ATF7: variants seen among roughly 807,000 people sequenced by gnomAD.
The protein encoded by ATF7 is cyclic AMP-dependent transcription factor ATF-7.
ATF7 carries 10 observed loss-of-function variants against 50.4 expected under a neutral mutation model. The ratio of observed to expected loss-of-function variants is 0.20; its 90% CI spans 0.12 to 0.34. The LOEUF is 0.34. ATF7 is among the 10% of genes least tolerant of loss of function. ATF7 has a pLI of 1.00. For synonymous variants in ATF7, 201 were observed against 226.4 expected, an observed-to-expected ratio of 0.89 and a Z score of 1.01; for missense variants, 465 against 613.9, an observed-to-expected ratio of 0.76 and a Z score of 2.56.
chr12:53,621,529 C>T (rs1022657193), intron 1 of ATF7, among the ~76,000 whole-genome samples: 5 of 152,146 alleles, frequency 3.3e-5, no homozygotes, highest in Admixed American at 6.5e-5. Context: ...CGCCTGTAAT[C>T]CTAGCACTTT....
At chr12:53,617,938 A>G (rs1944212143) in intron 1 of ATF7, among the ~76,000 whole-genome samples, 1 of 152,198 alleles carries the variant, frequency 6.6e-6, no homozygotes, top group African/African-American at 2.4e-5. Flanking sequence ...AGAGAAAGGA[A>G]GGAAACAAAA....
chr12:53,542,207 C>T lies in ATF7; in HGVS notation c.264+1123G>A, dbSNP rs578012672. ...TTGGGAGGCCGAGGTGAGCAGATCA[C>T]GAGGTCAGGAGATCGAGACCATCCT... is the stretch of plus-strand genomic sequence containing the variant. On this transcript the variant is annotated intron_variant, in intron 4 of 11. Transcript: ENST00000420353. Among the ~76,000 whole-genome samples, 7 of 147,242 alleles carry T rather than the reference C, an allele frequency of 4.8e-5. No homozygotes were observed. In the South Asian group the frequency reaches 1.5e-3, roughly 32 times the overall value.
intron 3 of ATF7, among the ~76,000 whole-genome samples, chr12:53,544,322 C>T (rs1250583685): frequency 6.6e-6 from 1 of 152,230 alleles, no homozygotes; most frequent in Non-Finnish European, 1.5e-5. Flanking sequence ...CAGATCCTAA[C>T]TCTATTACGA....
At chr12:53,603,726 A>T (rs1943493547) in intron 1 of ATF7, among the ~76,000 whole-genome samples, 2 of 146,000 alleles carry the variant, frequency 1.4e-5, no homozygotes, top group African/African-American at 5.3e-5. Context: ...CTCCCCATTA[A>T]AAAAAAAAAC....
intron 2 of ATF7, among the ~76,000 whole-genome samples, chr12:53,581,687 G>T (rs900560802): frequency 6.6e-6 from 1 of 152,022 alleles, no homozygotes; most frequent in Non-Finnish European, 1.5e-5. Flanking sequence ...CAGAAACAGT[G>T]ATTAGTGGGA....
intron 11 of ATF7, among the ~76,000 whole-genome samples, chr12:53,517,839 G>T (rs936851805): frequency 6.6e-6 from 1 of 152,012 alleles, no homozygotes; most frequent in Admixed American, 6.6e-5. Context: ...AATTCTCACA[G>T]GAACTGAATT....
At chr12:53,588,673 C>T (rs886598397) in intron 2 of ATF7, among the ~76,000 whole-genome samples, 5 of 152,180 alleles carry the variant, frequency 3.3e-5, no homozygotes, top group Non-Finnish European at 7.3e-5. Context: ...ATGACACCCA[C>T]AATGCTTCTC....
chr12:53,615,509 C>A (rs1017908569), intron 1 of ATF7, among the ~76,000 whole-genome samples: 1 of 152,116 alleles, frequency 6.6e-6, no homozygotes, highest in Non-Finnish European at 1.5e-5. Flanking sequence ...ATATTACTGG[C>A]AAGAAACTTG....
At chr12:53,534,384 A>G (rs1370664824) in intron 6 of ATF7, 118 bp downstream of exon 6, 1 of 1,431,750 alleles carries the variant, frequency 7.0e-7, no homozygotes, top group Non-Finnish European at 9.8e-7. Context: ...ATTTTGAGAG[A>G]TAATCTCAGT....
chr12:53,620,696 C>A (rs1294438095), intron 1 of ATF7, among the ~76,000 whole-genome samples: 2 of 150,654 alleles, frequency 1.3e-5, no homozygotes, highest in Non-Finnish European at 2.9e-5. Flanking sequence ...GCAGAGGTTG[C>A]AGTAAGCCTG....
chr12:53,544,936 C>T (rs1280777979), intron 3 of ATF7, among the ~76,000 whole-genome samples: 3 of 152,142 alleles, frequency 2.0e-5, no homozygotes, highest in Non-Finnish European at 2.9e-5. Context: ...ACTCTGGCAG[C>T]TTTGGTTGGC....
chr12:53,600,884 G>T, intron 2 of ATF7, 69 bp downstream of exon 2: 1 of 1,476,832 alleles, frequency 6.8e-7, no homozygotes, highest in Non-Finnish European at 9.4e-7. Flanking sequence ...TAAACTCTTT[G>T]CCTTAGTGAT....
chr12:53,608,054 C>T (rs988556595), intron 1 of ATF7, among the ~76,000 whole-genome samples: 1 of 151,790 alleles, frequency 6.6e-6, no homozygotes, highest in Non-Finnish European at 1.5e-5. Context: ...TCCATCTCTA[C>T]TAAAAATACA....
At chr12:53,577,699 G>C (rs1942164346) in intron 2 of ATF7, among the ~76,000 whole-genome samples, 1 of 146,140 alleles carries the variant, frequency 6.8e-6, no homozygotes, top group Non-Finnish European at 1.5e-5. Flanking sequence ...CTGGGAGAAA[G>C]AGCGAGACTC....
chr12:53,572,387 T>C (rs780630066), intron 2 of ATF7, among the ~76,000 whole-genome samples: 3 of 152,148 alleles, frequency 2.0e-5, no homozygotes, highest in Non-Finnish European at 4.4e-5. Flanking sequence ...GAGGAAAACC[T>C]GAACTATAAT....
In ATF7 at chr12:53,552,635, T is replaced by C; in HGVS notation, c.51A>G (p.Arg17=). 6.2e-7 allele frequency: 1 copy of C among 1,612,220 alleles called. No individual in the cohort carries two copies. Among genetic ancestry groups the C allele is most frequent in the Admixed American group, 1.7e-5 (1 of 59,960 alleles). ...FVCNAPGCGQ[R]FTNEDHLAVH... ...CTGCCAGGTGGTCCTCGTTTGTAAA[T>C]CTCTGAAACGAAACAGAAATGGAGA... Residue 17 remains arginine, a splice_region_variant and synonymous_variant, in exon 3 of 12, where the codon AGA becomes AGG. Transcript: ENST00000420353.
At chr12:53,603,860 A>G (rs890212806) in intron 1 of ATF7, among the ~76,000 whole-genome samples, 2 of 152,182 alleles carry the variant, frequency 1.3e-5, no homozygotes, top group African/African-American at 2.4e-5. Flanking sequence ...TTTAATTATC[A>G]GTGAGGTCTC....
rs1221093312 is a variant in ATF7 at position 53,512,272 on chromosome 12, C to G, written c.*4865G>C. The G allele has an allele frequency of 6.6e-6, 1 of 152,138 alleles. No homozygotes were observed. Among genetic ancestry groups the G allele is most frequent in the Admixed American group, 6.5e-5 (1 of 15,272 alleles). The allele number at this position is 152,138 out of a possible 1,614,324, so 9.4% of individuals were successfully genotyped here. A position where few individuals can be genotyped will look rare whatever the true frequency, so the allele number is the denominator to read the frequency against. ...CCAGCTCACAGGGATCATGCTGAAT[C>G]AGGTGGAGGGGAAAAGGGAAAAGAC... On this transcript the variant is annotated 3_prime_UTR_variant, in exon 12 of 12. Transcript: ENST00000420353.
chr12:53,616,305 C>A (rs912798334), intron 1 of ATF7, among the ~76,000 whole-genome samples: 1 of 152,144 alleles, frequency 6.6e-6, no homozygotes, highest in South Asian at 2.1e-4. Flanking sequence ...TCACTGAAAC[C>A]CCCGCCTCCC....
Sources: gnomAD v4.1 joint callset for allele counts (sites outside exome capture counted in the v4.1 genomes callset) on GRCh38, gnomAD v4.1.1 for gene constraint, MANE v1.5 for transcripts, NCBI Gene and HGNC (gene_info 2026-07-23, HGNC 2026-07-21) for gene names.